Variants in JUP observed in about 807,000 individuals in gnomAD.
JUP encodes the protein catenin (cadherin-associated protein), gamma 80kDa.
In JUP, 28 loss-of-function variants were observed where a neutral mutation model predicts 71.1. The ratio of observed to expected loss-of-function variants is 0.39; its 90% CI spans 0.29 to 0.54. The LOEUF (loss-of-function observed/expected upper bound fraction) is 0.54. Among genes scored for constraint, JUP ranks in the 20% least tolerant of loss-of-function variants. The probability of loss-of-function intolerance (pLI) is 0.62; values close to 1 mark genes in which losing one functional copy is unlikely to be tolerated. For synonymous variants in JUP, 401 were observed against 438.9 expected, an observed-to-expected ratio of 0.91 and a Z score of 1.08; for missense variants, 869 against 1,030.1, an observed-to-expected ratio of 0.84 and a Z score of 2.14.
intron 12 of JUP, 70 bp from the exon 13 acceptor site, chr17:41,756,284 G>T: frequency 6.7e-7 from 1 of 1,485,662 alleles, no homozygotes; most frequent in South Asian, 1.2e-5. Flanking sequence ...CTCAGCTGGT[G>T]GGCAGGGAGA....
chr17:41,757,453 T>A lies in JUP; in HGVS notation c.2008A>T (p.Asn670Tyr). 1 of 1,614,144 alleles carries A rather than the reference T, an allele frequency of 6.2e-7. No individual in the cohort carries two copies. Among genetic ancestry groups the A allele is most frequent in the Non-Finnish European group, 8.5e-7 (1 of 1,180,004 alleles). Reference protein sequence around the residue: ...YRKRVSVELTNSLFKHDPAAW... With the variant: ...YRKRVSVELTYSLFKHDPAAW... ...GCCGGGTCATGCTTGAAGAGGGAGT[T>A]GGTGAGCTCCACGGACACGCGCTTC... The change falls in exon 12 of 14, where the codon AAC becomes TAC. Residue 670 changes from asparagine (N) to tyrosine (Y), a missense_variant. Asn to Tyr is a moderately radical substitution (Grantham distance 143). Transcript: ENST00000393931.
Position 41,781,557 on chromosome 17 carries a change from T to C in JUP, c.-9+5031A>G, listed in dbSNP as rs573766497. On this transcript the variant is annotated intron_variant, in intron 1 of 13. Coordinates refer to ENST00000393931, the MANE Select transcript of JUP (RefSeq NM_002230.4). ...CCATGTCCCAGGAGAGGCCGCTCAG[T>C]GTCACTTGCAGGAACACAAGCCCTG... Among the ~76,000 whole-genome samples the C allele has an allele frequency of 1.2e-4, 19 of 152,312 alleles. No homozygotes were observed. In the East Asian group the frequency reaches 3.7e-3, roughly 29 times the overall value.
rs142095597 is a variant in JUP at position 41,757,648 on chromosome 17, C to A, written c.1910G>T (p.Arg637Leu). The change falls in exon 11 of 14, where the codon CGC (arginine) becomes CTC (leucine). Residue 637 changes from arginine (R) to leucine (L), a missense_variant. Transcript: ENST00000393931. ...SAPLMELLHS[R>L]NEGTATYAAA... The stretch of plus-strand genomic sequence containing the variant: ...CCCCAGCTCACCAGTGCCCTCGTTG[C>A]GGGAGTGCAGCAACTCCATGAGTGG... The A allele has an allele frequency of 5.0e-6, 8 of 1,613,418 alleles. No homozygotes were observed. The highest frequency in any genetic ancestry group is 2.2e-5 in the East Asian group (1 of 44,868).
At chr17:41,773,038 C>A (rs906178788) in intron 1 of JUP, 1 of 970,434 alleles carries the variant, frequency 1.0e-6, no homozygotes, top group Non-Finnish European at 1.2e-6. Context: ...TGGTCCCCCG[C>A]GTACAGATGC....
chr17:41,782,600 C>G (rs144476962), intron 1 of JUP, among the ~76,000 whole-genome samples: 1,670 of 152,216 alleles, frequency 0.011, 21 homozygotes, highest in African/African-American at 0.038. Context: ...CAACCTCCCC[C>G]CAACACTCAC....
At chr17:41,759,903 T>C (rs1418037858) in intron 8 of JUP, among the ~76,000 whole-genome samples, 1 of 152,134 alleles carries the variant, frequency 6.6e-6, no homozygotes, top group East Asian at 1.9e-4. Flanking sequence ...TTTCTAAACA[T>C]GAATTTTCTT....
intron 1 of JUP, among the ~76,000 whole-genome samples, chr17:41,785,492 C>T (rs1187221255): frequency 6.6e-6 from 1 of 152,006 alleles, no homozygotes; most frequent in East Asian, 1.9e-4. Context: ...TGGGGCCCAG[C>T]GAACAGGATG....
At chr17:41,769,263 C>T in intron 3 of JUP, 56 bp from the exon 4 acceptor site, 2 of 1,576,522 alleles carry the variant, frequency 1.3e-6, no homozygotes, top group East Asian at 2.2e-5. Flanking sequence ...CCGGGATACC[C>T]TTCCACAGAG....
intron 1 of JUP, chr17:41,776,045 T>A: frequency 1.0e-6 from 1 of 967,626 alleles, no homozygotes; most frequent in Non-Finnish European, 1.2e-6. Context: ...CTAGGCTGGG[T>A]TGCAGGGCAC....
In JUP at chr17:41,764,706, C is replaced by A. The variant is rs1915414692; in HGVS notation, c.1158+7G>T. On this transcript the variant is annotated splice_region_variant and intron_variant, in intron 7 of 13. Coordinates refer to ENST00000393931, the MANE Select transcript of JUP (RefSeq NM_002230.4). The stretch of plus-strand genomic sequence containing the variant: ...AGGTCAACCCCAGGCCCAGATACCT[C>A]CCTCACCTGCTTGGTGGCCACATCT... 1 of 1,611,608 alleles carries A rather than the reference C, an allele frequency of 6.2e-7. No homozygotes were observed. Among genetic ancestry groups the A allele is most frequent in the South Asian group, 1.1e-5 (1 of 90,982 alleles).
chr17:41,786,400 C>A (rs2047459761), intron 1 of JUP, 188 bp downstream of exon 1: 1 of 151,744 alleles, frequency 6.6e-6, no homozygotes, highest in African/African-American at 2.4e-5. Context: ...AGCTCCGAGG[C>A]GCGCTCGGCC....
At chr17:41,756,121 C>A (rs1054675510) in intron 13 of JUP, 54 bp downstream of exon 13, 1 of 1,571,010 alleles carries the variant, frequency 6.4e-7, no homozygotes, top group Non-Finnish European at 8.7e-7. Context: ...CTCACACACA[C>A]CCACACAGCC....
chr17:41,769,436 C>G lies in JUP; in HGVS notation c.450G>C (p.Leu150=), dbSNP rs1274411918. Reference sequence around the variant, plus strand: ...CACAGACCGGGTCCTCGTCGTTGAGCAGTTTGGTGAGCTCGGGCAGGGCGC... The same window carrying G: ...CACAGACCGGGTCCTCGTCGTTGAGGAGTTTGGTGAGCTCGGGCAGGGCGC... ...ATRALPELTK[L]LNDEDPVVVT... The change falls in exon 3 of 14, where the codon CTG becomes CTC. Residue 150 remains leucine, a synonymous_variant. Transcript: ENST00000393931. 1 of 1,612,630 alleles carries G rather than the reference C, an allele frequency of 6.2e-7. No homozygotes were observed. The highest frequency in any genetic ancestry group is 8.5e-7 in the Non-Finnish European group (1 of 1,179,652).
intron 12 of JUP, 106 bp downstream of exon 12, chr17:41,757,309 T>G (rs924593684): frequency 4.2e-5 from 53 of 1,258,654 alleles, no homozygotes; most frequent in Middle Eastern, 1.9e-4. Flanking sequence ...AATTACAAAA[T>G]AAAAATCTAT....
chr17:41,781,453 G>A lies in JUP; in HGVS notation c.-9+5135C>T, dbSNP rs373946049. Among the ~76,000 whole-genome samples the A allele has an allele frequency of 7.2e-5, 11 of 152,350 alleles. 2 individuals are homozygous for A. Among genetic ancestry groups the A allele is most frequent in the Admixed American group, 3.3e-4 (5 of 15,300 alleles). On this transcript the variant is annotated intron_variant, in intron 1 of 13. Transcript: ENST00000393931. ...AGATGCCAGGAGGCTGAGCAAAGGA[G>A]AGTGGTCCATGAGCTTGCCCTTCAG...
intron 12 of JUP, 22 bp from the exon 13 acceptor site, chr17:41,756,236 T>C (rs1913713897): frequency 6.2e-7 from 1 of 1,612,240 alleles, no homozygotes; most frequent in Non-Finnish European, 8.5e-7. Flanking sequence ...GAGAGAAACA[T>C]GGAGGGGAGG....
chr17:41,755,494 T>C lies in JUP; in HGVS notation c.*250A>G. 2.3e-6 allele frequency: 1 copy of C among 433,216 alleles called. No homozygotes were observed. Among genetic ancestry groups the C allele is most frequent in the African/African-American group, 2.0e-5 (1 of 49,146 alleles). 26.8% of individuals were successfully genotyped at this position (433,216 alleles called of 1,614,324 possible). On this transcript the variant is annotated 3_prime_UTR_variant, in exon 14 of 14. Transcript: ENST00000393931. ...TCGGTGGACCTGCATCCCCAGAAGC[T>C]CAAGCCACTCCGTGTCACCTGCCCA... is the stretch of plus-strand genomic sequence containing the variant.
chr17:41,765,350 G>GT (rs553424056), intron 5 of JUP, among the ~76,000 whole-genome samples: 2 of 146,548 alleles, frequency 1.4e-5, no homozygotes, highest in African/African-American at 5.0e-5. Context: ...ACCCCAATAA[G>GT]TTTTTTTGTT....
Position 41,755,634 on chromosome 17 carries a change from CA to C in JUP, c.*109del. On this transcript the variant is annotated 3_prime_UTR_variant, in exon 14 of 14. Coordinates refer to ENST00000393931, the MANE Select transcript of JUP (RefSeq NM_002230.4). ...GAAGCTCAGCAGCAAAGGATCCCCC[CA>C]AAAAAGGAGCGCAGGTTTCAGCGGG... 8 of 1,130,688 alleles carry C rather than the reference CA, an allele frequency of 7.1e-6. No homozygotes were observed. The highest frequency in any genetic ancestry group is 2.7e-5 in the Admixed American group (1 of 37,304). The allele number at this position is 1,130,688 out of a possible 1,614,324, so 70.0% of individuals were successfully genotyped here.
Sources: gnomAD v4.1 joint callset for allele counts (sites outside exome capture counted in the v4.1 genomes callset) on GRCh38, gnomAD v4.1.1 for gene constraint, MANE v1.5 for transcripts, NCBI Gene and HGNC (gene_info 2026-07-23, HGNC 2026-07-21) for gene names.